DKK2: variants seen among roughly 807,000 people sequenced by gnomAD.
DKK2 encodes dickkopf Wnt signaling pathway inhibitor 2.
Under a neutral mutation model 28.1 loss-of-function variants are expected in DKK2, and 11 were observed. The ratio of observed to expected loss-of-function variants is 0.39; its 90% confidence interval spans 0.25 to 0.65. The LOEUF is 0.65. Among genes scored for constraint, DKK2 ranks in the 30% least tolerant of loss-of-function variants. The probability of loss-of-function intolerance (pLI) is 0.47; values close to 1 mark genes in which losing one functional copy is unlikely to be tolerated. For missense variants in DKK2, 326 were observed against 335.5 expected (o/e 0.97, Z 0.22); for synonymous variants, 135 against 126.5 (o/e 1.07, Z -0.45).
intron 1 of DKK2, among the ~76,000 whole-genome samples, chr4:106,956,918 A>T (rs370839489): frequency 6.6e-6 from 1 of 151,158 alleles, no homozygotes; most frequent in Non-Finnish European, 1.5e-5. Flanking sequence ...TAATTAAACT[A>T]AAGAGCTTCT....
intron 1 of DKK2, among the ~76,000 whole-genome samples, chr4:106,952,390 A>T (rs984426278): frequency 6.6e-6 from 1 of 152,112 alleles, no homozygotes; most frequent in Non-Finnish European, 1.5e-5. Context: ...TTTCAGCTAT[A>T]CTGATATCAC....
chr4:106,993,063 G>T (rs955705979), intron 1 of DKK2, among the ~76,000 whole-genome samples: 8 of 152,222 alleles, frequency 5.3e-5, no homozygotes, highest in African/African-American at 1.9e-4. Flanking sequence ...TTCAAGTGTA[G>T]ACAAGTTTAT....
chr4:106,960,165 T>C (rs1486334761), intron 1 of DKK2, among the ~76,000 whole-genome samples: 1 of 150,094 alleles, frequency 6.7e-6, no homozygotes, highest in Admixed American at 6.7e-5. Flanking sequence ...TATACACACA[T>C]ATATAGTAAT....
intron 1 of DKK2, among the ~76,000 whole-genome samples, chr4:107,031,326 A>G (rs1723871796): frequency 1.3e-5 from 2 of 152,000 alleles, no homozygotes; most frequent in Admixed American, 1.3e-4. Context: ...TTCAGAAAGT[A>G]AAGAGATCCC....
intron 1 of DKK2, among the ~76,000 whole-genome samples, chr4:106,957,166 T>A (rs1261493179): frequency 1.3e-5 from 2 of 152,136 alleles, no homozygotes; most frequent in Non-Finnish European, 2.9e-5. Flanking sequence ...TCATCATCAC[T>A]GGCCATCAGA....
At chr4:106,946,320 C>A (rs1208471179) in intron 1 of DKK2, among the ~76,000 whole-genome samples, 2 of 151,888 alleles carry the variant, frequency 1.3e-5, no homozygotes, top group African/African-American at 4.8e-5. Flanking sequence ...CTTAAAGAAA[C>A]AACAAGTATT....
chr4:106,993,761 A>T (rs1723235413), intron 1 of DKK2, among the ~76,000 whole-genome samples: 1 of 152,196 alleles, frequency 6.6e-6, no homozygotes, highest in Non-Finnish European at 1.5e-5. Context: ...CATTGCTTTG[A>T]TTATGAATGT....
chr4:107,004,089 A>C (rs1455923358), intron 1 of DKK2, among the ~76,000 whole-genome samples: 1 of 152,242 alleles, frequency 6.6e-6, no homozygotes, highest in Non-Finnish European at 1.5e-5. Context: ...AATCAATAAA[A>C]TAGAATGCAA....
chr4:106,979,582 G>A (rs764437223), intron 1 of DKK2, among the ~76,000 whole-genome samples: 1 of 151,902 alleles, frequency 6.6e-6, no homozygotes, highest in African/African-American at 2.4e-5. Context: ...ATCCTCCTGT[G>A]TACCATAAAT....
chr4:107,030,704 T>A (rs965415156), intron 1 of DKK2, among the ~76,000 whole-genome samples: 1 of 152,016 alleles, frequency 6.6e-6, no homozygotes, highest in Non-Finnish European at 1.5e-5. Flanking sequence ...CATTAGAGAC[T>A]GAGTCTAAAA....
chr4:106,968,341 G>A (rs1037077573), intron 1 of DKK2, among the ~76,000 whole-genome samples: 14 of 152,010 alleles, frequency 9.2e-5, no homozygotes, highest in African/African-American at 3.4e-4. Flanking sequence ...CATTTTGGTC[G>A]TTATTGCCAT....
intron 1 of DKK2, among the ~76,000 whole-genome samples, chr4:106,999,818 A>G (rs929366765): frequency 1.3e-5 from 2 of 152,170 alleles, no homozygotes; most frequent in African/African-American, 2.4e-5. Flanking sequence ...TTGATATTCT[A>G]TAGACATATA....
intron 1 of DKK2, among the ~76,000 whole-genome samples, chr4:106,978,808 C>A (rs12502569): frequency 0.2 from 29,288 of 150,030 alleles, 3,196 homozygotes; most frequent in East Asian, 0.42. Context: ...AAAAAGAAAA[C>A]AAACAAACTC....
intron 1 of DKK2, among the ~76,000 whole-genome samples, chr4:106,939,147 A>G (rs1724649493): frequency 6.6e-6 from 1 of 152,224 alleles, no homozygotes; most frequent in South Asian, 2.1e-4. Context: ...AAGGGCATTC[A>G]ATTAGGAAAA....
At chr4:106,954,051 A>G (rs1443183748) in intron 1 of DKK2, among the ~76,000 whole-genome samples, 1 of 152,186 alleles carries the variant, frequency 6.6e-6, no homozygotes, top group African/African-American at 2.4e-5. Context: ...GTCATTGAGT[A>G]GTCAAATGAG....
chr4:107,017,423 T>C (rs929956246), intron 1 of DKK2, among the ~76,000 whole-genome samples: 1 of 151,962 alleles, frequency 6.6e-6, no homozygotes, highest in Non-Finnish European at 1.5e-5. Context: ...GTTTTACTAA[T>C]TGAGACAATT....
chr4:106,955,158 C>G (rs1722571393), intron 1 of DKK2, among the ~76,000 whole-genome samples: 1 of 152,072 alleles, frequency 6.6e-6, no homozygotes, highest in Non-Finnish European at 1.5e-5. Flanking sequence ...TAATAAGTTA[C>G]TGGAAACTGA....
intron 1 of DKK2, among the ~76,000 whole-genome samples, chr4:107,030,235 G>C: frequency 6.6e-6 from 1 of 152,046 alleles, no homozygotes; most frequent in African/African-American, 2.4e-5. Context: ...CTTTATGTTT[G>C]TCCTAACACT....
At chr4:106,983,271 A>C (rs1723053538) in intron 1 of DKK2, among the ~76,000 whole-genome samples, 1 of 151,236 alleles carries the variant, frequency 6.6e-6, no homozygotes, top group Admixed American at 6.6e-5. Flanking sequence ...TTCTAATATT[A>C]CAGAGAGAAA....
Sources: gnomAD v4.1 joint callset for allele counts (sites outside exome capture counted in the v4.1 genomes callset) on GRCh38, gnomAD v4.1.1 for gene constraint, MANE v1.5 for transcripts, NCBI Gene and HGNC (gene_info 2026-07-23, HGNC 2026-07-21) for gene names.